TDRD5: variants seen among roughly 807,000 people sequenced by gnomAD.
The protein encoded by TDRD5 is tudor domain-containing protein 5.
In TDRD5, 41 loss-of-function variants were observed where a neutral mutation model predicts 120.6. That is an observed-to-expected ratio of 0.34 (90% CI 0.26 to 0.44). The LOEUF is 0.44. TDRD5 is among the 20% of genes least tolerant of loss of function. TDRD5 has a pLI of 1.00. For synonymous variants in TDRD5, 430 were observed against 433.7 expected, an observed-to-expected ratio of 0.99 and a Z score of 0.11; for missense variants, 1,006 against 1,221.2, an observed-to-expected ratio of 0.82 and a Z score of 2.63.
chr1:179,676,728 ATAGATTTTCCTTTG>A (rs1164954410), intron 17 of TDRD5, among the ~76,000 whole-genome samples: 1 of 152,178 alleles, frequency 6.6e-6, no homozygotes, highest in Non-Finnish European at 1.5e-5. Context: ...TGTTAATCTG[ATAGATTTTCCTTTG>A]TAGGTTACCT....
chr1:179,688,029 AT>A (rs1225634978), intron 17 of TDRD5, among the ~76,000 whole-genome samples: 2 of 152,190 alleles, frequency 1.3e-5, no homozygotes, highest in East Asian at 3.8e-4. Flanking sequence ...TAATTGGAGC[AT>A]TTAGCCCATT....
intron 17 of TDRD5, among the ~76,000 whole-genome samples, chr1:179,684,790 G>A (rs1317128157): frequency 1.3e-5 from 2 of 152,212 alleles, no homozygotes; most frequent in Non-Finnish European, 2.9e-5. Context: ...GCGTTTCTCT[G>A]ACGGCCAGTG....
At chr1:179,684,487 G>C (rs1680597738) in intron 17 of TDRD5, among the ~76,000 whole-genome samples, 1 of 152,156 alleles carries the variant, frequency 6.6e-6, no homozygotes, top group African/African-American at 2.4e-5. Context: ...TTGCTATTGT[G>C]AATAGTGCTG....
At chr1:179,614,403 G>A (rs1049876435) in intron 4 of TDRD5, among the ~76,000 whole-genome samples, 1 of 152,102 alleles carries the variant, frequency 6.6e-6, no homozygotes, top group African/African-American at 2.4e-5. Flanking sequence ...CCTAAGTTGG[G>A]CATTTGCTCT....
rs146563007 is a variant in TDRD5 at position 179,596,057 on chromosome 1, C to G, written c.831+239C>G. On this transcript the variant is annotated intron_variant, in intron 4 of 17. Coordinates refer to ENST00000444136, the MANE Select transcript of TDRD5 (RefSeq NM_001199085.3). The stretch of plus-strand genomic sequence containing the variant: ...TATTTTCTGCAAATGACTCCCAACT[C>G]CCAAATCTGTATCTCTAGTTCCAGT... 1.9e-3 allele frequency among the ~76,000 whole-genome samples: 287 copies of G among 152,306 alleles called. 1 individual carries two copies. The highest frequency in any genetic ancestry group is 3.4e-3 in the Non-Finnish European group (231 of 68,024).
At chr1:179,593,436 T>C in intron 2 of TDRD5, 24 bp from the exon 3 acceptor site, 2 of 1,600,860 alleles carry the variant, frequency 1.2e-6, no homozygotes, top group African/African-American at 1.3e-5. Flanking sequence ...CTCCTAAATA[T>C]GATTTCTATT....
chr1:179,628,919 T>TTTGTTGTTGTTGTTGTTG (rs141689839), intron 6 of TDRD5, among the ~76,000 whole-genome samples: 16 of 151,298 alleles, frequency 1.1e-4, no homozygotes, highest in Non-Finnish European at 1.5e-4. Flanking sequence ...GACTGAGGAA[T>TTTGTTGTTGTTGTTGTTG]TTGTTGTTGT....
At chr1:179,660,063 G>A (rs1679218224) in intron 14 of TDRD5, among the ~76,000 whole-genome samples, 1 of 151,898 alleles carries the variant, frequency 6.6e-6, no homozygotes, top group South Asian at 2.1e-4. Flanking sequence ...GACTATTTAT[G>A]TTTAATGTGA....
In TDRD5 at chr1:179,661,957, G is replaced by A. The variant is rs138409694; in HGVS notation, c.2323-147G>A. On this transcript the variant is annotated intron_variant, in intron 14 of 17. Transcript: ENST00000444136. ...TATCCTAAATCTCTTTATTATTTTG[G>A]TGGCATTTCAGAAGGGAAATTAATA... 1.4e-4 allele frequency: 94 copies of A among 659,792 alleles called. 1 individual carries two copies. In the African/African-American group the frequency reaches 1.6e-3, roughly 11 times the overall value. 40.9% of individuals were successfully genotyped at this position (659,792 alleles called of 1,614,324 possible).
At chr1:179,655,397 GT>G in intron 14 of TDRD5, among the ~76,000 whole-genome samples, 1 of 150,724 alleles carries the variant, frequency 6.6e-6, no homozygotes, top group South Asian at 2.1e-4. Flanking sequence ...ATAGTACACT[GT>G]TACACCTTTT....
chr1:179,621,142 T>G, intron 6 of TDRD5, 51 bp downstream of exon 6: 2 of 1,522,156 alleles, frequency 1.3e-6, no homozygotes, highest in Non-Finnish European at 1.8e-6. Context: ...TTATATTTCT[T>G]GTGATAGATG....
intron 17 of TDRD5, among the ~76,000 whole-genome samples, chr1:179,673,983 A>G (rs1446089896): frequency 2.6e-5 from 4 of 152,136 alleles, no homozygotes; most frequent in Non-Finnish European, 5.9e-5. Context: ...GTATACAATC[A>G]TATCAGCAAA....
chr1:179,691,018 G>C lies in TDRD5; in HGVS notation c.*75G>C. On this transcript the variant is annotated 3_prime_UTR_variant, in exon 18 of 18. Coordinates refer to ENST00000444136, the MANE Select transcript of TDRD5 (RefSeq NM_001199085.3). ...ATGAACTCCCAGGCCAAAATGAGGAGTTATTGAAGCAAAATAGTATCTTGA... is the reference window on the plus strand; with the variant it reads ...ATGAACTCCCAGGCCAAAATGAGGACTTATTGAAGCAAAATAGTATCTTGA... The C allele has an allele frequency of 1.1e-5, 17 of 1,517,838 alleles. No homozygotes were observed. The highest frequency in any genetic ancestry group is 1.4e-5 in the African/African-American group (1 of 72,040). The allele number at this position is 1,517,838 out of a possible 1,614,324, so 94.0% of individuals were successfully genotyped here.
chr1:179,648,377 C>G (rs1409931168), intron 11 of TDRD5, among the ~76,000 whole-genome samples: 2 of 129,138 alleles, frequency 1.5e-5, no homozygotes, highest in African/African-American at 2.8e-5. Flanking sequence ...TATTCTCACT[C>G]ATAGATGGGA....
chr1:179,660,965 C>T (rs1679278995), intron 14 of TDRD5, among the ~76,000 whole-genome samples: 1 of 152,066 alleles, frequency 6.6e-6, no homozygotes, highest in African/African-American at 2.4e-5. Context: ...ACCTGGGTTC[C>T]CATTTCTTCT....
intron 14 of TDRD5, among the ~76,000 whole-genome samples, chr1:179,660,302 C>G (rs571895229): frequency 5.4e-4 from 77 of 143,272 alleles, no homozygotes; most frequent in African/African-American, 2.0e-3. Flanking sequence ...TCACTGCAAG[C>G]TCTGCCTCTC....
intron 11 of TDRD5, among the ~76,000 whole-genome samples, chr1:179,648,862 C>T (rs957145271): frequency 1.3e-5 from 2 of 152,068 alleles, no homozygotes; most frequent in Non-Finnish European, 2.9e-5. Flanking sequence ...CGTCAGGACC[C>T]ATTTTCCTTC....
At chr1:179,609,273 G>A (rs1355303869) in intron 4 of TDRD5, among the ~76,000 whole-genome samples, 2 of 152,088 alleles carry the variant, frequency 1.3e-5, no homozygotes, top group Non-Finnish European at 2.9e-5. Context: ...TCTTGGAGAT[G>A]GGATCCCAGT....
chr1:179,686,469 TC>T (rs1268914208), intron 17 of TDRD5, among the ~76,000 whole-genome samples: 3 of 152,226 alleles, frequency 2.0e-5, no homozygotes, highest in African/African-American at 7.2e-5. Flanking sequence ...GGATTTTGCA[TC>T]CATGTTCATC....
Sources: allele counts gnomAD v4.1 joint callset (sites outside exome capture counted in the v4.1 genomes callset), GRCh38; gene constraint gnomAD v4.1.1; transcripts MANE v1.5; gene names NCBI Gene and HGNC (gene_info 2026-07-23, HGNC 2026-07-21).